Variants in NEK9 observed in about 807,000 individuals in gnomAD.
NEK9 encodes the protein serine/threonine-protein kinase Nek9.
NEK9 carries 75 observed loss-of-function variants against 123.4 expected under a neutral mutation model. That is an observed-to-expected ratio of 0.61 (90% CI 0.50 to 0.74). NEK9 has a LOEUF of 0.74. Among genes scored for constraint, NEK9 ranks in the 30% least tolerant of loss-of-function variants. The probability of loss-of-function intolerance (pLI) is 0.00; values close to 1 mark genes in which losing one functional copy is unlikely to be tolerated. For synonymous variants in NEK9, 438 were observed against 458.7 expected, an observed-to-expected ratio of 0.95 and a Z score of 0.58; for missense variants, 952 against 1,214.4, an observed-to-expected ratio of 0.78 and a Z score of 3.21.
intron 18 of NEK9, 166 bp from the exon 19 acceptor site, chr14:75,091,644 CTA>C: frequency 2.1e-6 from 1 of 487,132 alleles, no homozygotes; most frequent in Non-Finnish European, 3.5e-6. Flanking sequence ...TTCATACAAA[CTA>C]TGTTTTGTAA....
Position 75,084,544 on chromosome 14 carries a change from G to T in NEK9, c.*20C>A. ...GTTCTTTGGGTCCCAGTCTCCTGGG[G>T]GCTCTACAGGCTCAGGAGACTAGAG... On this transcript the variant is annotated 3_prime_UTR_variant, in exon 22 of 22. Transcript: ENST00000238616. 1 of 1,613,716 alleles carries T rather than the reference G, an allele frequency of 6.2e-7. No individual in the cohort carries two copies. Among genetic ancestry groups the T allele is most frequent in the Non-Finnish European group, 8.5e-7 (1 of 1,179,706 alleles).
At chr14:75,106,022 CATT>C (rs778000899) in intron 12 of NEK9, 26 bp from the exon 13 acceptor site, 2 of 1,602,956 alleles carry the variant, frequency 1.2e-6, no homozygotes, top group Non-Finnish European at 1.7e-6. Flanking sequence ...GAATGAAAAT[CATT>C]ATAATGAGGG....
Position 75,110,364 on chromosome 14 carries a change from C to T in NEK9, c.946G>A (p.Glu316Lys). ...PLLRKRRREM[E>K]EKVTLLNAPT... ...GCATTAAGCAGAGTGACTTTTTCCT[C>T]CATCTCTCTACCAAAAGAAAAGCAA... Residue 316 changes from glutamate to lysine, a missense_variant, in exon 9 of 22, where the codon GAG becomes AAG. By Grantham distance (56) the Glu-to-Lys change is moderately conservative. Coordinates refer to ENST00000238616, the MANE Select transcript of NEK9 (RefSeq NM_033116.6). 6.2e-7 allele frequency: 1 copy of T among 1,612,608 alleles called. No homozygotes were observed. Among genetic ancestry groups the T allele is most frequent in the South Asian group, 1.1e-5 (1 of 91,028 alleles).
In NEK9 at chr14:75,125,131, CCCATCCTTTTGAATGCCTCT is replaced by C. The variant is rs759240260; in HGVS notation, c.220-928_220-909del. ...GAGCATCTCCACCTATGTAACCCTC[CCCATCCTTTTGAATGCCTCT>C]GCCAAGCCTTTACAGTGTTTTTGAA... On this transcript the variant is annotated intron_variant, in intron 1 of 21. Coordinates refer to ENST00000238616, the MANE Select transcript of NEK9 (RefSeq NM_033116.6). 1.5e-3 allele frequency among the ~76,000 whole-genome samples: 225 copies of C among 152,096 alleles called. 1 individual carries two copies. Among genetic ancestry groups the C allele is most frequent in the Non-Finnish European group, 1.8e-3 (125 of 67,998 alleles).
chr14:75,107,386 G>C lies in NEK9; in HGVS notation c.1284C>G (p.Ile428Met). The change falls in exon 11 of 22, where the codon ATC becomes ATG. Residue 428 changes from isoleucine (I) to methionine (M), a missense_variant. Around this residue, in one of 4 missense-constraint regions of NEK9, gnomAD observed 698 missense variants for 875.6 expected, o/e 0.80. Coordinates refer to ENST00000238616, the MANE Select transcript of NEK9 (RefSeq NM_033116.6). ...AATCATCACCACATGACACCTGACGGATAGCTTTGCCTTGCAACTTTTCCA... is the reference window on the plus strand; with the variant it reads ...AATCATCACCACATGACACCTGACGCATAGCTTTGCCTTGCAACTTTTCCA... Reference protein sequence around the residue: ...KHVEKLQGKAIRQVSCGDDFT... With the variant: ...KHVEKLQGKAMRQVSCGDDFT... 1 of 1,613,964 alleles carries C rather than the reference G, an allele frequency of 6.2e-7. No homozygotes were observed. Among genetic ancestry groups the C allele is most frequent in the African/African-American group, 1.3e-5 (1 of 74,988 alleles).
intron 21 of NEK9, chr14:75,086,407 C>G (rs1484634679): frequency 6.7e-6 from 1 of 150,068 alleles, no homozygotes; most frequent in Non-Finnish European, 1.5e-5. Flanking sequence ...TGAGAATTGA[C>G]AATACTAGTA....
chr14:75,083,408 C>G lies in NEK9; in HGVS notation c.*1156G>C. 4.1e-6 allele frequency: 1 copy of G among 244,414 alleles called. No homozygotes were observed. 15.1% of individuals were successfully genotyped at this position (244,414 alleles called of 1,614,324 possible). ...GAGTACAGGATTAGAAGTGAGCTCT[C>G]AGCCAAATTCCTTTTGCAAGTTCTA... On this transcript the variant is annotated 3_prime_UTR_variant, in exon 22 of 22. Transcript: ENST00000238616.
chr14:75,087,216 A>T lies in NEK9; in HGVS notation c.2619T>A (p.Asn873Lys). 1.9e-6 allele frequency: 3 copies of T among 1,611,014 alleles called. No individual in the cohort carries two copies. Among genetic ancestry groups the T allele is most frequent in the Non-Finnish European group, 2.5e-6 (3 of 1,177,398 alleles). Residue 873 changes from asparagine (N) to lysine (K), a missense_variant, in exon 21 of 22, where the codon AAT (asparagine) becomes AAA (lysine). Transcript: ENST00000238616. ...CCTTCCCAGCACAGGTTACTGCAGG[A>T]TTCAGCCGAGGTGACTAGAGAGACA... Reference protein sequence around the residue: ...PQVEASSPRLNPAVTCAGKGT... With the variant: ...PQVEASSPRLKPAVTCAGKGT...
At chr14:75,088,459 A>G (rs1894096492) in intron 20 of NEK9, 21 bp downstream of exon 20, 1 of 1,609,852 alleles carries the variant, frequency 6.2e-7, no homozygotes, top group African/African-American at 1.3e-5. Flanking sequence ...GTTGTGATTC[A>G]AAGGCAAAAA....
rs1894894529 is a variant in NEK9 at position 75,109,672 on chromosome 14, A to G, written c.1182+13T>C. ...CTTACAGCACTGTTCCAAAATGCTT[A>G]GCGTTCACTTACCACCCAAGTGTAC... On this transcript the variant is annotated intron_variant, in intron 10 of 21. Coordinates refer to ENST00000238616, the MANE Select transcript of NEK9 (RefSeq NM_033116.6). 1.2e-6 allele frequency: 2 copies of G among 1,606,838 alleles called. No individual in the cohort carries two copies. The highest frequency in any genetic ancestry group is 2.2e-5 in the East Asian group (1 of 44,826).
At chr14:75,099,782 CA>C (rs11446568) in intron 16 of NEK9, among the ~76,000 whole-genome samples, 28 of 118,448 alleles carry the variant, frequency 2.4e-4, no homozygotes, top group Admixed American at 2.7e-4. Context: ...GATTGTGTCT[CA>C]AAAAAAAAAA....
intron 17 of NEK9, 141 bp from the exon 18 acceptor site, chr14:75,095,572 T>G: frequency 1.8e-6 from 1 of 548,618 alleles, no homozygotes; most frequent in East Asian, 2.8e-5. Flanking sequence ...GAAATTAGTA[T>G]CATAAGCTAA....
At chr14:75,093,717 AGTGCTG>A (rs1894292401) in intron 18 of NEK9, among the ~76,000 whole-genome samples, 1 of 152,178 alleles carries the variant, frequency 6.6e-6, no homozygotes, top group Non-Finnish European at 1.5e-5. Context: ...GGCCTCCCAA[AGTGCTG>A]GTGTTACAGG....
chr14:75,104,049 A>G, intron 13 of NEK9, 52 bp from the exon 14 acceptor site: 1 of 1,527,416 alleles, frequency 6.5e-7, no homozygotes, highest in Non-Finnish European at 8.8e-7. Flanking sequence ...TTCGTATTAG[A>G]AAAAAAGCTC....
At chr14:75,090,438 T>G (rs1321492659) in intron 19 of NEK9, among the ~76,000 whole-genome samples, 1 of 152,216 alleles carries the variant, frequency 6.6e-6, no homozygotes, top group Admixed American at 6.5e-5. Context: ...TACATAGTCT[T>G]GTTGACATTC....
At position 75,127,023 on chromosome 14, in the gene NEK9, C is replaced by T; in HGVS notation, c.-102G>A. 2.1e-6 allele frequency: 2 copies of T among 965,140 alleles called. No homozygotes were observed. Among genetic ancestry groups the T allele is most frequent in the Non-Finnish European group, 2.9e-6 (2 of 685,158 alleles). 59.8% of individuals were successfully genotyped at this position (965,140 alleles called of 1,614,324 possible). ...GATGCCGGCCCGCGGATCCGTCAGCCCAGCAACCCCGCGAAGCTCGATGGT... is the reference window on the plus strand; with the variant it reads ...GATGCCGGCCCGCGGATCCGTCAGCTCAGCAACCCCGCGAAGCTCGATGGT... On this transcript the variant is annotated 5_prime_UTR_variant, in exon 1 of 22. Transcript: ENST00000238616.
At chr14:75,126,060 G>GC (rs1566663368) in intron 1 of NEK9, among the ~76,000 whole-genome samples, 2 of 152,122 alleles carry the variant, frequency 1.3e-5, no homozygotes, top group South Asian at 4.1e-4. Context: ...GGGTCCTTGT[G>GC]CCCCCCAAAT....
chr14:75,124,905 G>A (rs1166793077), intron 1 of NEK9, among the ~76,000 whole-genome samples: 1 of 150,836 alleles, frequency 6.6e-6, no homozygotes, highest in Non-Finnish European at 1.5e-5. Flanking sequence ...CCAGTAGTTG[G>A]GACTACAGGC....
Position 75,113,363 on chromosome 14 carries a change from C to A in NEK9, c.914G>T (p.Arg305Leu). The stretch of plus-strand genomic sequence containing the variant: ...CCTCCTGCGTTTCCTGAGAAGAGGG[C>A]GATCTAGAAGTTCATCTGCAGTAGG... ...QRPTADELLD[R>L]PLLRKRRREM... is the part of the protein sequence containing the mutation. The change falls in exon 8 of 22, where the codon CGC (arginine) becomes CTC (leucine). Residue 305 changes from arginine (R) to leucine (L), a missense_variant. Coordinates refer to ENST00000238616, the MANE Select transcript of NEK9 (RefSeq NM_033116.6). 1 of 1,613,364 alleles carries A rather than the reference C, an allele frequency of 6.2e-7. No individual in the cohort carries two copies. Among genetic ancestry groups the A allele is most frequent in the Non-Finnish European group, 8.5e-7 (1 of 1,179,494 alleles).
Sources: allele counts gnomAD v4.1 joint callset (sites outside exome capture counted in the v4.1 genomes callset), GRCh38; gene constraint gnomAD v4.1.1; regional missense constraint gnomAD v4.1.1; transcripts MANE v1.5; gene names NCBI Gene and HGNC (gene_info 2026-07-23, HGNC 2026-07-21).